The following DLGAP2 variants were observed in gnomAD, a reference collection of about 807,000 sequenced individuals.
The protein encoded by DLGAP2 is disks large-associated protein 2.
DLGAP2 carries 26 observed loss-of-function variants against 100.3 expected under a neutral mutation model. That is an observed-to-expected ratio of 0.26 (90% CI 0.19 to 0.36). The LOEUF is 0.36. DLGAP2 is among the 10% of genes least tolerant of loss of function. DLGAP2 has a pLI of 1.00. For synonymous variants in DLGAP2, 886 were observed against 630.1 expected, an observed-to-expected ratio of 1.41 and a Z score of -6.08; for missense variants, 1,858 against 1,453.2, an observed-to-expected ratio of 1.28 and a Z score of -4.53.
intron 2 of DLGAP2, among the ~76,000 whole-genome samples, chr8:1,218,030 C>G (rs1441055308): frequency 6.6e-6 from 1 of 152,080 alleles, no homozygotes. Flanking sequence ...CAGATATTTT[C>G]TCCCATTCTA....
chr8:1,691,546 A>T lies in DLGAP2; in HGVS notation c.2716A>T (p.Ile906Phe). ...TTTGTTTTAAACAGTTCTCGGTAAA[A>T]TCAGGAGTGCTGTTGGGAGTGCCCA... ...NDLSEEILGK[I>F]RSAVGSAQLL... The change falls in exon 13 of 15, where the codon ATC (isoleucine) becomes TTC (phenylalanine). Residue 906 changes from isoleucine (I) to phenylalanine (F), a missense_variant. By Grantham distance (21) the Ile-to-Phe change is conservative. Coordinates refer to ENST00000637795, the MANE Select transcript of DLGAP2 (RefSeq NM_001346810.2). 6.2e-7 allele frequency: 1 copy of T among 1,613,830 alleles called. No individual in the cohort carries two copies. Among genetic ancestry groups the T allele is most frequent in the Non-Finnish European group, 8.5e-7 (1 of 1,179,898 alleles).
chr8:904,969 A>G (rs1200688016), intron 1 of DLGAP2, among the ~76,000 whole-genome samples: 1 of 152,280 alleles, frequency 6.6e-6, no homozygotes, highest in African/African-American at 2.4e-5. Flanking sequence ...CGGTGCGGCA[A>G]GCGACGTGTG....
rs763200357 is a variant in DLGAP2 at position 1,678,373 on chromosome 8, C to A, written c.2448C>A (p.Ser816Arg). Reference sequence around the variant, plus strand: ...AGCCCAGCACCCCCACCCAGTACAGCGCGGTGAGAACTGTACGGACCCAGG... The same window carrying A: ...AGCCCAGCACCCCCACCCAGTACAGAGCGGTGAGAACTGTACGGACCCAGG... ...HSEPSTPTQY[S>R]AVRTVRTQGL... is the part of the protein sequence containing the mutation. Residue 816 changes from serine to arginine, a missense_variant, in exon 12 of 15, where the codon AGC becomes AGA. Coordinates refer to ENST00000637795, the MANE Select transcript of DLGAP2 (RefSeq NM_001346810.2). The A allele has an allele frequency of 6.2e-7, 1 of 1,614,014 alleles. No homozygotes were observed. Among genetic ancestry groups the A allele is most frequent in the African/African-American group, 1.3e-5 (1 of 75,054 alleles).
intron 2 of DLGAP2, among the ~76,000 whole-genome samples, chr8:1,058,513 A>G (rs1180932981): frequency 6.6e-6 from 1 of 152,230 alleles, no homozygotes; most frequent in African/African-American, 2.4e-5. Flanking sequence ...TCGAGGGGCC[A>G]TGCAACAACG....
chr8:1,017,488 C>T (rs62488479), intron 2 of DLGAP2, among the ~76,000 whole-genome samples: 1,205 of 15,620 alleles, frequency 0.077, 133 homozygotes, highest in African/African-American at 0.17. Flanking sequence ...GGACAGACGG[C>T]GCCTCCACTG....
At position 795,854 on chromosome 8, in the gene DLGAP2, C is replaced by T. The variant is rs77976402; in HGVS notation, c.18+58029C>T. On this transcript the variant is annotated intron_variant, in intron 1 of 14. Coordinates refer to ENST00000637795, the MANE Select transcript of DLGAP2 (RefSeq NM_001346810.2). ...AGAGCAGCTGTCCGGTGAGAGCAGGCGTCCAGTGAGAGCAGGCGTCCAGTG... is the reference window on the plus strand; with the variant it reads ...AGAGCAGCTGTCCGGTGAGAGCAGGTGTCCAGTGAGAGCAGGCGTCCAGTG... Among the ~76,000 whole-genome samples the T allele has an allele frequency of 2.5e-4, 24 of 97,186 alleles. 2 individuals carry two copies. The highest frequency in any genetic ancestry group is 6.6e-4 in the Admixed American group (5 of 7,564). The allele number at this position is 97,186 out of a possible 152,430, so 63.8% of individuals were successfully genotyped here.
At chr8:1,273,520 G>T (rs1333794371) in intron 3 of DLGAP2, among the ~76,000 whole-genome samples, 1 of 152,174 alleles carries the variant, frequency 6.6e-6, no homozygotes, top group African/African-American at 2.4e-5. Context: ...CAGTTCACGT[G>T]CTCAAGTGTG....
intron 3 of DLGAP2, among the ~76,000 whole-genome samples, chr8:1,409,653 A>G (rs1013515438): frequency 6.6e-6 from 1 of 152,174 alleles, no homozygotes; most frequent in Non-Finnish European, 1.5e-5. Flanking sequence ...GTGTTTCTGG[A>G]AGGACCAGCG....
chr8:1,145,727 A>G (rs931550360), intron 2 of DLGAP2, among the ~76,000 whole-genome samples: 1 of 149,228 alleles, frequency 6.7e-6, no homozygotes, highest in Non-Finnish European at 1.5e-5. Context: ...CTCGTCATTT[A>G]GCATTAGGTA....
chr8:1,407,753 A>G (rs113097733), intron 3 of DLGAP2, among the ~76,000 whole-genome samples: 1 of 82,576 alleles, frequency 1.2e-5, no homozygotes, highest in Non-Finnish European at 2.7e-5. Flanking sequence ...CATCCTCCAG[A>G]GTCGTGTATT....
chr8:1,218,328 C>T lies in DLGAP2; in HGVS notation c.74-40523C>T, dbSNP rs114572689. Among the ~76,000 whole-genome samples the T allele has an allele frequency of 5.0e-3, 758 of 152,226 alleles. 1 individual carries two copies. Among genetic ancestry groups the T allele is most frequent in the African/African-American group, 0.017 (717 of 41,534 alleles). ...TATGGGTAGCCAGCTATTCCAGCAC[C>T]GTTTATTGAATAGCAAATCCATTCT... is the stretch of plus-strand genomic sequence containing the variant. On this transcript the variant is annotated intron_variant, in intron 2 of 14. Coordinates refer to ENST00000637795, the MANE Select transcript of DLGAP2 (RefSeq NM_001346810.2).
At chr8:1,425,473 C>G (rs906258945) in intron 3 of DLGAP2, among the ~76,000 whole-genome samples, 10 of 152,218 alleles carry the variant, frequency 6.6e-5, no homozygotes, top group African/African-American at 2.2e-4. Flanking sequence ...AAAGAAGTGT[C>G]TGATGGGAAC....
At chr8:1,386,686 G>A (rs1796227676) in intron 3 of DLGAP2, among the ~76,000 whole-genome samples, 1 of 152,166 alleles carries the variant, frequency 6.6e-6, no homozygotes, top group African/African-American at 2.4e-5. Flanking sequence ...CGGGGATCCA[G>A]GAACCAGGGA....
At chr8:1,082,472 T>C (rs727570) in intron 2 of DLGAP2, among the ~76,000 whole-genome samples, 82,371 of 152,060 alleles carry the variant, frequency 0.54, 23,166 homozygotes, top group Non-Finnish European at 0.61. Flanking sequence ...GGGGGTGCCG[T>C]GGCTCTCAGA....
At chr8:1,251,457 G>C (rs1055883254) in intron 2 of DLGAP2, among the ~76,000 whole-genome samples, 4 of 152,132 alleles carry the variant, frequency 2.6e-5, no homozygotes, top group African/African-American at 9.7e-5. Flanking sequence ...ATTTATTTTT[G>C]AGACAGGGTC....
intron 3 of DLGAP2, chr8:1,301,574 C>T (rs1405569879): frequency 2.0e-5 from 3 of 152,136 alleles, no homozygotes; most frequent in Admixed American, 2.0e-4. Flanking sequence ...CTTGATGGTC[C>T]CGATCCTGCC....
intron 3 of DLGAP2, among the ~76,000 whole-genome samples, chr8:1,439,952 A>G (rs895243464): frequency 1.3e-5 from 2 of 152,134 alleles, no homozygotes; most frequent in African/African-American, 4.8e-5. Context: ...GTCACAGTAT[A>G]TTTTGATATT....
At chr8:888,020 C>T (rs1017920522) in intron 1 of DLGAP2, among the ~76,000 whole-genome samples, 15 of 152,262 alleles carry the variant, frequency 9.9e-5, no homozygotes, top group African/African-American at 3.6e-4. Flanking sequence ...TCCAATCAAT[C>T]GTAGGTTTAA....
chr8:1,469,366 C>T (rs573088806), intron 3 of DLGAP2, among the ~76,000 whole-genome samples: 9 of 152,338 alleles, frequency 5.9e-5, no homozygotes, highest in South Asian at 2.1e-4. Flanking sequence ...TATTCTGGCT[C>T]CTAGGAGCCG....
Sources: allele counts gnomAD v4.1 joint callset (sites outside exome capture counted in the v4.1 genomes callset), GRCh38; gene constraint gnomAD v4.1.1; transcripts MANE v1.5; gene names NCBI Gene and HGNC (gene_info 2026-07-23, HGNC 2026-07-21).